GRIK1: variants seen among roughly 807,000 people sequenced by gnomAD.
GRIK1 encodes glutamate receptor ionotropic, kainate 1.
GRIK1 carries 69 observed loss-of-function variants against 105.7 expected under a neutral mutation model. The ratio of observed to expected loss-of-function variants is 0.65; its 90% confidence interval spans 0.54 to 0.80. The LOEUF is 0.80. Ranked by LOEUF, GRIK1 falls within the 30% of genes least tolerant of loss-of-function variation. The probability of loss-of-function intolerance (pLI) is 0.00; values close to 1 mark genes in which losing one functional copy is unlikely to be tolerated. For synonymous variants in GRIK1, 438 were observed against 431.3 expected (o/e 1.02, Z -0.19); for missense variants, 1,109 against 1,167.3 (o/e 0.95, Z 0.73).
At chr21:29,909,967 A>G (rs1358825565) in intron 1 of GRIK1, among the ~76,000 whole-genome samples, 3 of 152,172 alleles carry the variant, frequency 2.0e-5, no homozygotes, top group Non-Finnish European at 2.9e-5. Flanking sequence ...TGGCAAGCTG[A>G]ACCCTCGTCT....
chr21:29,833,813 AT>A (rs2067707017), intron 1 of GRIK1, among the ~76,000 whole-genome samples: 1 of 152,066 alleles, frequency 6.6e-6, no homozygotes, highest in African/African-American at 2.4e-5. Flanking sequence ...CATCCTTCAG[AT>A]TTCACAGCAC....
intron 16 of GRIK1, among the ~76,000 whole-genome samples, chr21:29,552,280 A>T (rs1009647913): frequency 6.6e-6 from 1 of 152,248 alleles, no homozygotes; most frequent in East Asian, 1.9e-4. Context: ...AGACCAACTG[A>T]TCCCATATTT....
chr21:29,715,177 C>G (rs1180727901), intron 1 of GRIK1, among the ~76,000 whole-genome samples: 1 of 152,190 alleles, frequency 6.6e-6, no homozygotes, highest in African/African-American at 2.4e-5. Context: ...GTGAGTTACA[C>G]TGGCTCACAC....
intron 6 of GRIK1, 66 bp downstream of exon 6, chr21:29,651,052 C>T (rs893854591): frequency 9.4e-6 from 11 of 1,166,034 alleles, no homozygotes; most frequent in South Asian, 6.1e-5. Context: ...TTTAAAGATA[C>T]GTGAGATCTT....
At chr21:29,668,832 C>T (rs1046196904) in intron 4 of GRIK1, among the ~76,000 whole-genome samples, 11 of 152,024 alleles carry the variant, frequency 7.2e-5, no homozygotes, top group South Asian at 4.2e-4. Context: ...GGATAAACAG[C>T]GAAGAGTCGG....
chr21:29,711,404 G>T (rs1039623799), intron 1 of GRIK1, among the ~76,000 whole-genome samples: 1 of 152,040 alleles, frequency 6.6e-6, no homozygotes, highest in East Asian at 1.9e-4. Flanking sequence ...TATGATGTTT[G>T]CATGACAAAA....
chr21:29,621,330 G>C (rs1353215882), intron 7 of GRIK1, among the ~76,000 whole-genome samples: 1 of 152,024 alleles, frequency 6.6e-6, no homozygotes, highest in Non-Finnish European at 1.5e-5. Context: ...CTCAAATGTG[G>C]CACCTGACAG....
At chr21:29,666,807 A>G (rs897277873) in intron 4 of GRIK1, among the ~76,000 whole-genome samples, 27 of 152,350 alleles carry the variant, frequency 1.8e-4, no homozygotes, top group Non-Finnish European at 2.5e-4. Flanking sequence ...TTCAGGTTGC[A>G]ATAAGACGAG....
chr21:29,546,442 G>A (rs950074344), intron 16 of GRIK1, among the ~76,000 whole-genome samples: 7 of 152,200 alleles, frequency 4.6e-5, no homozygotes, highest in African/African-American at 1.7e-4. Context: ...GGCATTTTCT[G>A]TCCAGGATTC....
chr21:29,928,960 T>G (rs1309773270), intron 1 of GRIK1, among the ~76,000 whole-genome samples: 1 of 152,220 alleles, frequency 6.6e-6, no homozygotes, highest in Non-Finnish European at 1.5e-5. Context: ...GTCCTCACTT[T>G]GATGTGTGCC....
intron 16 of GRIK1, among the ~76,000 whole-genome samples, chr21:29,546,232 C>T (rs774930437): frequency 6.6e-6 from 1 of 152,238 alleles, no homozygotes; most frequent in African/African-American, 2.4e-5. Context: ...CCCTTCCACA[C>T]ATGCCTCTTG....
chr21:29,858,650 G>C (rs896518594), intron 1 of GRIK1, among the ~76,000 whole-genome samples: 7 of 152,034 alleles, frequency 4.6e-5, no homozygotes, highest in Non-Finnish European at 8.8e-5. Flanking sequence ...GTTTGTTTCG[G>C]GAGCTAAGGG....
intron 1 of GRIK1, among the ~76,000 whole-genome samples, chr21:29,696,978 A>G (rs951046830): frequency 5.3e-5 from 8 of 152,258 alleles, no homozygotes; most frequent in African/African-American, 1.2e-4. Context: ...ACTTTATAAC[A>G]TTCAAGGCAG....
chr21:29,572,492 T>C (rs55707842), intron 14 of GRIK1, among the ~76,000 whole-genome samples: 8,449 of 152,076 alleles, frequency 0.056, 403 homozygotes, highest in African/African-American at 0.13. Flanking sequence ...GAAATCCACC[T>C]CTCCCAGAGT....
chr21:29,682,877 T>C (rs1370417176), intron 3 of GRIK1, among the ~76,000 whole-genome samples: 1 of 152,124 alleles, frequency 6.6e-6, no homozygotes, highest in Non-Finnish European at 1.5e-5. Flanking sequence ...GTGTGCAAAC[T>C]ATGCATCCAA....
chr21:29,643,072 C>A (rs2062547885), intron 6 of GRIK1, 103 bp from the exon 7 acceptor site: 2 of 1,135,706 alleles, frequency 1.8e-6, no homozygotes, highest in Admixed American at 2.1e-5. Context: ...TCTGTCTGAT[C>A]TCAAAGGCCA....
chr21:29,816,990 A>C (rs1459218600), intron 1 of GRIK1, among the ~76,000 whole-genome samples: 1 of 152,164 alleles, frequency 6.6e-6, no homozygotes, highest in Admixed American at 6.6e-5. Flanking sequence ...TATTCTAAAT[A>C]TGCTGATTTG....
chr21:29,720,501 G>GTGTT, intron 1 of GRIK1, among the ~76,000 whole-genome samples: 1 of 151,574 alleles, frequency 6.6e-6, no homozygotes, highest in African/African-American at 2.4e-5. Context: ...GTATATGTGT[G>GTGTT]TGTGTGTGTG....
At chr21:29,796,348 G>C (rs181652754) in intron 1 of GRIK1, among the ~76,000 whole-genome samples, 1 of 152,182 alleles carries the variant, frequency 6.6e-6, no homozygotes, top group East Asian at 1.9e-4. Context: ...GTAAAATTTG[G>C]AGAAAGACCT....
Sources: allele counts gnomAD v4.1 joint callset (sites outside exome capture counted in the v4.1 genomes callset), GRCh38; gene constraint gnomAD v4.1.1; transcripts MANE v1.5; gene names NCBI Gene and HGNC (gene_info 2026-07-23, HGNC 2026-07-21).